TTC27: variants seen among roughly 807,000 people sequenced by gnomAD.
The protein encoded by TTC27 is tetratricopeptide repeat domain 27, also known as tetratricopeptide repeat protein 27.
TTC27 carries 79 observed loss-of-function variants against 115.9 expected under a neutral mutation model. That is an observed-to-expected ratio of 0.68 (90% CI 0.57 to 0.82). The LOEUF is 0.82. TTC27 is among the 40% of genes least tolerant of loss of function. The pLI, the probability that TTC27 is intolerant of heterozygous loss-of-function variation, is 0.00. For synonymous variants in TTC27, 401 were observed against 356.0 expected, an observed-to-expected ratio of 1.13 and a Z score of -1.42; for missense variants, 1,054 against 993.1, an observed-to-expected ratio of 1.06 and a Z score of -0.82.
In TTC27 at chr2:32,653,895, A is replaced by T. The variant is rs144460500; in HGVS notation, c.640+3662A>T. Reference sequence around the variant, plus strand: ...TTTATTAAAATAATAATATATGCCTAATGTAAACCTTGAGTTATCTATCTT... The same window carrying T: ...TTTATTAAAATAATAATATATGCCTTATGTAAACCTTGAGTTATCTATCTT... On this transcript the variant is annotated intron_variant, in intron 5 of 19. Coordinates refer to ENST00000317907, the MANE Select transcript of TTC27 (RefSeq NM_017735.5). Among the ~76,000 whole-genome samples the T allele has an allele frequency of 1.4e-3, 219 of 152,322 alleles. 1 individual carries two copies. Among genetic ancestry groups the T allele is most frequent in the African/African-American group, 5.1e-3 (214 of 41,584 alleles).
intron 15 of TTC27, among the ~76,000 whole-genome samples, chr2:32,785,454 C>G (rs1670315520): frequency 6.6e-6 from 1 of 151,986 alleles, no homozygotes; most frequent in African/African-American, 2.4e-5. Flanking sequence ...ATGTTTGAGT[C>G]TTACCTCTCA....
intron 1 of TTC27, among the ~76,000 whole-genome samples, chr2:32,629,134 T>C (rs1347357077): frequency 6.6e-6 from 1 of 150,822 alleles, no homozygotes; most frequent in Non-Finnish European, 1.5e-5. Flanking sequence ...AGTTGTTTTT[T>C]TGGGGGGATG....
intron 3 of TTC27, among the ~76,000 whole-genome samples, chr2:32,639,183 T>C (rs1037290430): frequency 6.6e-6 from 1 of 152,140 alleles, no homozygotes; most frequent in African/African-American, 2.4e-5. Flanking sequence ...AGGAAAACAA[T>C]TGTGGGAAAA....
intron 10 of TTC27, among the ~76,000 whole-genome samples, chr2:32,732,982 G>A (rs188631012): frequency 1.2e-4 from 19 of 152,300 alleles, no homozygotes; most frequent in Middle Eastern, 3.4e-3. Context: ...AAACTGAATG[G>A]CAAATGAAGA....
chr2:32,656,243 C>G (rs868760254), intron 5 of TTC27, among the ~76,000 whole-genome samples: 1 of 152,064 alleles, frequency 6.6e-6, no homozygotes, highest in East Asian at 1.9e-4. Context: ...TATCAGTGAA[C>G]TTAGTGAGAT....
chr2:32,690,708 A>C (rs1666781142), intron 9 of TTC27, among the ~76,000 whole-genome samples: 1 of 152,202 alleles, frequency 6.6e-6, no homozygotes, highest in African/African-American at 2.4e-5. Context: ...AAAAGTTTTT[A>C]AATGACCTAC....
rs1194106374 is a variant in TTC27 at position 32,787,025 on chromosome 2, A to G, written c.1874A>G (p.Asn625Ser). ...FRTLQEALKC[N>S]YEHWQIWENY... ...ACTTTACAAGAAGCTCTCAAGTGTA[A>G]CTATGAACACTGGCAGATTTGGGAA... Residue 625 changes from asparagine to serine, a missense_variant, in exon 16 of 20, where the codon AAC becomes AGC. By Grantham distance (46) the Asn-to-Ser change is conservative. Coordinates refer to ENST00000317907, the MANE Select transcript of TTC27 (RefSeq NM_017735.5). 2 of 1,613,960 alleles carry G rather than the reference A, an allele frequency of 1.2e-6. No individual in the cohort carries two copies. The highest frequency in any genetic ancestry group is 1.7e-5 in the Admixed American group (1 of 59,988).
At chr2:32,748,684 C>T (rs1037362319) in intron 12 of TTC27, among the ~76,000 whole-genome samples, 2 of 145,470 alleles carry the variant, frequency 1.4e-5, no homozygotes, top group Non-Finnish European at 3.0e-5. Context: ...TTTGTTCTAA[C>T]AATTCTTTTT....
At chr2:32,713,346 GA>G (rs1025114726) in intron 10 of TTC27, among the ~76,000 whole-genome samples, 1 of 150,444 alleles carries the variant, frequency 6.6e-6, no homozygotes, top group East Asian at 1.9e-4. Context: ...AAACATTTTT[GA>G]AAAAAAAATT....
chr2:32,736,052 T>G (rs1668442881), intron 11 of TTC27, among the ~76,000 whole-genome samples: 1 of 152,184 alleles, frequency 6.6e-6, no homozygotes, highest in South Asian at 2.1e-4. Context: ...CTTACCTACT[T>G]TTTTAAATCT....
At chr2:32,817,241 G>C (rs934112518) in intron 18 of TTC27, among the ~76,000 whole-genome samples, 12 of 149,540 alleles carry the variant, frequency 8.0e-5, no homozygotes, top group African/African-American at 3.0e-4. Context: ...GTGAGACCCT[G>C]TATCTTAAAA....
chr2:32,797,240 C>G (rs1670734200), intron 16 of TTC27, among the ~76,000 whole-genome samples: 1 of 151,424 alleles, frequency 6.6e-6, no homozygotes, highest in Admixed American at 6.6e-5. Flanking sequence ...GTGGCATGAT[C>G]ATAGCTTACT....
intron 16 of TTC27, among the ~76,000 whole-genome samples, chr2:32,795,347 AT>A (rs1670662587): frequency 6.6e-6 from 1 of 151,988 alleles, no homozygotes; most frequent in Non-Finnish European, 1.5e-5. Flanking sequence ...GGAAAAAAAA[AT>A]CTCACCTGAT....
intron 5 of TTC27, among the ~76,000 whole-genome samples, chr2:32,660,331 C>T (rs1340815415): frequency 6.6e-6 from 1 of 151,822 alleles, no homozygotes; most frequent in Non-Finnish European, 1.5e-5. Context: ...GAAATGTCTG[C>T]TCATATCTTT....
chr2:32,635,710 G>T (rs1170194160), intron 3 of TTC27, among the ~76,000 whole-genome samples: 1 of 151,656 alleles, frequency 6.6e-6, no homozygotes, highest in East Asian at 1.9e-4. Flanking sequence ...AAAAGAATTG[G>T]GTGTAGCAAG....
intron 4 of TTC27, among the ~76,000 whole-genome samples, chr2:32,649,164 G>T (rs1360074015): frequency 6.6e-6 from 1 of 152,080 alleles, no homozygotes; most frequent in Non-Finnish European, 1.5e-5. Context: ...AGATCAGTAT[G>T]TGCCACACTA....
At chr2:32,712,044 G>A (rs940195854) in intron 10 of TTC27, among the ~76,000 whole-genome samples, 1 of 152,180 alleles carries the variant, frequency 6.6e-6, no homozygotes, top group African/African-American at 2.4e-5. Context: ...GTGTGATGAA[G>A]TCAGGTAACC....
intron 15 of TTC27, among the ~76,000 whole-genome samples, chr2:32,783,464 G>C (rs890542927): frequency 6.6e-6 from 1 of 152,236 alleles, no homozygotes; most frequent in Admixed American, 6.5e-5. Flanking sequence ...TACGGTGAGA[G>C]ATAAGGTTAG....
rs142479923 is a variant in TTC27, at chr2:32,654,598, T to C, written c.640+4365T>C. 7.9e-5 allele frequency among the ~76,000 whole-genome samples: 12 copies of C among 152,242 alleles called. No homozygotes were observed. The East Asian group carries it at 1.9e-3, about 24-fold the overall frequency. Reference sequence around the variant, plus strand: ...CGTGCTGGAGTGCAGTGATGCGATCTAGACTCACTGCAACTTTGAAATCCT... The same window carrying C: ...CGTGCTGGAGTGCAGTGATGCGATCCAGACTCACTGCAACTTTGAAATCCT... On this transcript the variant is annotated intron_variant, in intron 5 of 19. Coordinates refer to ENST00000317907, the MANE Select transcript of TTC27 (RefSeq NM_017735.5).
Sources: allele counts gnomAD v4.1 joint callset (sites outside exome capture counted in the v4.1 genomes callset), GRCh38; gene constraint gnomAD v4.1.1; transcripts MANE v1.5; gene names NCBI Gene and HGNC (gene_info 2026-07-23, HGNC 2026-07-21).